Variants in NKAIN2 observed in about 807,000 individuals in gnomAD.
NKAIN2 encodes sodium/potassium-transporting ATPase subunit beta-1-interacting protein 2.
A neutral mutation model predicts 32.6 loss-of-function variants in NKAIN2; 14 were observed. The ratio of observed to expected loss-of-function variants is 0.43; its 90% CI spans 0.28 to 0.67. The LOEUF is 0.67. Ranked by LOEUF, NKAIN2 falls within the 30% of genes least tolerant of loss-of-function variation. The probability of loss-of-function intolerance (pLI) is 0.17; values close to 1 mark genes in which losing one functional copy is unlikely to be tolerated. For synonymous variants in NKAIN2, 80 were observed against 87.2 expected, an observed-to-expected ratio of 0.92 and a Z score of 0.46; for missense variants, 198 against 258.3, an observed-to-expected ratio of 0.77 and a Z score of 1.60.
intron 1 of NKAIN2, among the ~76,000 whole-genome samples, chr6:124,151,059 C>T (rs1417422836): frequency 6.6e-6 from 1 of 151,904 alleles, no homozygotes; most frequent in Non-Finnish European, 1.5e-5. Context: ...AACCCTTTGT[C>T]ATGTTTCTTT....
chr6:124,399,654 A>G (rs1318132065), intron 3 of NKAIN2, among the ~76,000 whole-genome samples: 1 of 152,248 alleles, frequency 6.6e-6, no homozygotes, highest in Non-Finnish European at 1.5e-5. Context: ...TGTGTCTCTC[A>G]TAGTATCTGT....
At chr6:124,208,835 T>C (rs920087615) in intron 1 of NKAIN2, among the ~76,000 whole-genome samples, 1 of 151,714 alleles carries the variant, frequency 6.6e-6, no homozygotes, top group Non-Finnish European at 1.5e-5. Flanking sequence ...TTAATTATTA[T>C]GGATGCATAA....
intron 2 of NKAIN2, among the ~76,000 whole-genome samples, chr6:124,298,231 T>A (rs1431824001): frequency 6.6e-6 from 1 of 151,906 alleles, no homozygotes; most frequent in Non-Finnish European, 1.5e-5. Flanking sequence ...TTAGCAGAAC[T>A]TTTTTTTAAT....
chr6:124,019,615 C>T (rs559378527), intron 1 of NKAIN2, among the ~76,000 whole-genome samples: 3 of 152,018 alleles, frequency 2.0e-5, no homozygotes, highest in Non-Finnish European at 2.9e-5. Flanking sequence ...AAATATATTT[C>T]AGTAAAAACA....
chr6:123,988,119 G>T (rs997011416), intron 1 of NKAIN2, among the ~76,000 whole-genome samples: 3 of 152,116 alleles, frequency 2.0e-5, no homozygotes, highest in Non-Finnish European at 2.9e-5. Flanking sequence ...GGAGATGGGA[G>T]ATCAGCTGTG....
At chr6:124,039,734 T>C (rs973530358) in intron 1 of NKAIN2, among the ~76,000 whole-genome samples, 1 of 151,970 alleles carries the variant, frequency 6.6e-6, no homozygotes, top group Non-Finnish European at 1.5e-5. Flanking sequence ...AATATATTTT[T>C]ATTGTTTATC....
chr6:124,793,999 A>G (rs1229577524), intron 5 of NKAIN2, among the ~76,000 whole-genome samples: 1 of 152,140 alleles, frequency 6.6e-6, no homozygotes, highest in Non-Finnish European at 1.5e-5. Flanking sequence ...TACAAGAAGA[A>G]ATGGATGAGG....
chr6:124,415,748 C>T (rs1774433653), intron 3 of NKAIN2, among the ~76,000 whole-genome samples: 1 of 152,032 alleles, frequency 6.6e-6, no homozygotes, highest in Non-Finnish European at 1.5e-5. Context: ...AAACCCATCA[C>T]TTTAGAGACT....
At chr6:124,586,399 A>G (rs1046438645) in intron 3 of NKAIN2, among the ~76,000 whole-genome samples, 1 of 152,170 alleles carries the variant, frequency 6.6e-6, no homozygotes, top group Non-Finnish European at 1.5e-5. Context: ...AACATAGAGT[A>G]CACACAGACA....
At chr6:124,594,816 C>T (rs1782026269) in intron 3 of NKAIN2, among the ~76,000 whole-genome samples, 1 of 151,952 alleles carries the variant, frequency 6.6e-6, no homozygotes, top group Non-Finnish European at 1.5e-5. Context: ...CAAGGTATCT[C>T]AAAAGTGGGG....
At chr6:124,282,888 G>A in intron 1 of NKAIN2, 117 bp from the exon 2 acceptor site, 1 of 840,284 alleles carries the variant, frequency 1.2e-6, no homozygotes, top group Non-Finnish European at 1.9e-6. Flanking sequence ...ACAAATGCCA[G>A]ATATGGTAAC....
chr6:124,416,133 C>A (rs1271939015), intron 3 of NKAIN2, among the ~76,000 whole-genome samples: 5 of 152,042 alleles, frequency 3.3e-5, no homozygotes, highest in Admixed American at 1.3e-4. Context: ...CATAAGAAAA[C>A]CCTGAAAGGC....
At chr6:123,919,377 G>A (rs966013354) in intron 1 of NKAIN2, among the ~76,000 whole-genome samples, 5 of 151,844 alleles carry the variant, frequency 3.3e-5, no homozygotes, top group Non-Finnish European at 5.9e-5. Flanking sequence ...AAGAAAAACT[G>A]CATATATTAT....
intron 1 of NKAIN2, among the ~76,000 whole-genome samples, chr6:124,233,749 A>G (rs1792588277): frequency 6.6e-6 from 1 of 152,144 alleles, no homozygotes; most frequent in Non-Finnish European, 1.5e-5. Context: ...ATAACATGTG[A>G]TGTCTAGAGA....
At chr6:124,093,928 C>A (rs1784539656) in intron 1 of NKAIN2, among the ~76,000 whole-genome samples, 2 of 152,016 alleles carry the variant, frequency 1.3e-5, no homozygotes, top group Admixed American at 6.6e-5. Context: ...AGGAAGGAAC[C>A]AAAATACAGA....
chr6:124,415,262 C>A (rs1004024570), intron 3 of NKAIN2, among the ~76,000 whole-genome samples: 1 of 152,206 alleles, frequency 6.6e-6, no homozygotes, highest in Non-Finnish European at 1.5e-5. Flanking sequence ...CAACTGACTA[C>A]AAATTGGGGA....
chr6:124,394,857 G>T (rs76266694), intron 3 of NKAIN2, among the ~76,000 whole-genome samples: 3,238 of 152,132 alleles, frequency 0.021, 49 homozygotes, highest in Non-Finnish European at 0.032. Flanking sequence ...AGATCTCTCG[G>T]CCCAGTCAAA....
rs116800770 is a variant in NKAIN2 at position 123,914,634 on chromosome 6, G to T, written c.54+110380G>T. Among the ~76,000 whole-genome samples the T allele has an allele frequency of 8.1e-3, 1,230 of 152,192 alleles. 14 individuals carry two copies. The highest frequency in any genetic ancestry group is 0.028 in the African/African-American group (1,148 of 41,514). ...TGAGACACTGAGGGTTTGGTGATTTGCTGGATGTTACCCACTAGCAAGCTT... is the reference window on the plus strand; with the variant it reads ...TGAGACACTGAGGGTTTGGTGATTTTCTGGATGTTACCCACTAGCAAGCTT... On this transcript the variant is annotated intron_variant, in intron 1 of 6. Transcript: ENST00000368417.
chr6:123,847,605 AAAAT>A (rs1334399482), intron 1 of NKAIN2, among the ~76,000 whole-genome samples: 2 of 152,196 alleles, frequency 1.3e-5, no homozygotes, highest in Non-Finnish European at 2.9e-5. Context: ...TAAGACGATT[AAAAT>A]AAATACCAGT....
Sources: allele counts gnomAD v4.1 joint callset (sites outside exome capture counted in the v4.1 genomes callset), GRCh38; gene constraint gnomAD v4.1.1; transcripts MANE v1.5; gene names NCBI Gene and HGNC (gene_info 2026-07-23, HGNC 2026-07-21).